DAZL: variants seen among roughly 807,000 people sequenced by gnomAD.
DAZL encodes the protein deleted in azoospermia-like.
DAZL carries 4 observed loss-of-function variants against 45.0 expected under a neutral mutation model. That is an observed-to-expected ratio of 0.09 (90% CI 0.04 to 0.20). The LOEUF (loss-of-function observed/expected upper bound fraction) is 0.20. Among genes scored for constraint, DAZL ranks in the 10% least tolerant of loss-of-function variants. The pLI, the probability that DAZL is intolerant of heterozygous loss-of-function variation, is 1.00. For synonymous variants in DAZL, 122 were observed against 112.4 expected (o/e 1.09, Z -0.54); for missense variants, 326 against 351.3 (o/e 0.93, Z 0.58).
chr3:16,592,404 A>T (rs1013867299), intron 9 of DAZL, among the ~76,000 whole-genome samples: 41 of 151,858 alleles, frequency 2.7e-4, no homozygotes, highest in African/African-American at 8.9e-4. Flanking sequence ...CATCTCTACT[A>T]AAAAAATACA....
intron 6 of DAZL, among the ~76,000 whole-genome samples, 181 bp downstream of exon 6, chr3:16,596,569 T>A (rs935323582): frequency 1.3e-4 from 20 of 149,546 alleles, no homozygotes; most frequent in African/African-American, 4.6e-4. Context: ...AGAAGATCTT[T>A]AGCTCATATA....
intron 9 of DAZL, 88 bp from the exon 10 acceptor site, chr3:16,592,236 T>G: frequency 6.5e-7 from 1 of 1,540,368 alleles, no homozygotes. Flanking sequence ...AATGAATATA[T>G]TACTTTATTT....
chr3:16,601,975 G>A (rs1001029876), intron 1 of DAZL, among the ~76,000 whole-genome samples: 10 of 152,044 alleles, frequency 6.6e-5, no homozygotes, highest in African/African-American at 2.4e-4. Context: ...AAACTGACCA[G>A]GAAAAAGGCT....
chr3:16,593,850 G>C (rs1053882813), intron 8 of DAZL, 82 bp from the exon 9 acceptor site: 2 of 848,618 alleles, frequency 2.4e-6, no homozygotes, highest in Admixed American at 2.5e-5. Context: ...AAGCTAAGCT[G>C]GTATCAAAAG....
Position 16,587,820 on chromosome 3 carries a change from A to T in DAZL, c.*840T>A, listed in dbSNP as rs1029143571. 1 of 153,522 alleles carries T rather than the reference A, an allele frequency of 6.5e-6. No individual in the cohort carries two copies. The highest frequency in any genetic ancestry group is 6.5e-5 in the Admixed American group (1 of 15,298). The allele number at this position is 153,522 out of a possible 1,614,324, so 9.5% of individuals were successfully genotyped here. ...ACTCTGATTAACCTCTAAGAGACAT[A>T]AAAAAGTTGCAGCATTCTTTAATAC... On this transcript the variant is annotated 3_prime_UTR_variant, in exon 11 of 11. Coordinates refer to ENST00000399444, the MANE Select transcript of DAZL (RefSeq NM_001351.4).
chr3:16,589,158 G>T (rs1042358543), intron 10 of DAZL, among the ~76,000 whole-genome samples: 1 of 152,110 alleles, frequency 6.6e-6, no homozygotes, highest in Admixed American at 6.6e-5. Context: ...GTTAAAAGAT[G>T]TAAGTTTTGG....
Position 16,588,649 on chromosome 3 carries a change from A to T in DAZL, c.*11T>A. ...CAGCAACTTCCCATGTAACTAGATA[A>T]GCCAGGAGGATCAAACAGATTTAAG... On this transcript the variant is annotated 3_prime_UTR_variant, in exon 11 of 11. Coordinates refer to ENST00000399444, the MANE Select transcript of DAZL (RefSeq NM_001351.4). 1 of 1,603,974 alleles carries T rather than the reference A, an allele frequency of 6.2e-7. No individual in the cohort carries two copies. Among genetic ancestry groups the T allele is most frequent in the Non-Finnish European group, 8.5e-7 (1 of 1,171,180 alleles).
At chr3:16,590,019 G>C (rs1313001136) in intron 10 of DAZL, among the ~76,000 whole-genome samples, 1 of 152,144 alleles carries the variant, frequency 6.6e-6, no homozygotes, top group African/African-American at 2.4e-5. Flanking sequence ...GTTGTAGTAA[G>C]CTGTGATTGT....
intron 10 of DAZL, among the ~76,000 whole-genome samples, chr3:16,590,865 G>C (rs1441253644): frequency 6.6e-6 from 1 of 151,434 alleles, no homozygotes; most frequent in Admixed American, 6.6e-5. Context: ...CACAGGATGG[G>C]GGAAAATAGC....
chr3:16,598,675 T>A (rs1292302052), intron 1 of DAZL, 77 bp from the exon 2 acceptor site: 1 of 1,425,020 alleles, frequency 7.0e-7, no homozygotes, highest in Non-Finnish European at 9.3e-7. Flanking sequence ...AATTTTTGTA[T>A]TTTAAGTATA....
At chr3:16,596,541 G>C (rs1023917825) in intron 6 of DAZL, among the ~76,000 whole-genome samples, 1 of 151,986 alleles carries the variant, frequency 6.6e-6, no homozygotes, top group African/African-American at 2.4e-5. Flanking sequence ...TCATTTCTAA[G>C]ATAAAGACAA....
intron 9 of DAZL, 87 bp from the exon 10 acceptor site, chr3:16,592,235 ATTACT>A (rs1200274832): frequency 1.3e-6 from 2 of 1,542,244 alleles, no homozygotes; most frequent in Middle Eastern, 2.4e-4. Flanking sequence ...TAATGAATAT[ATTACT>A]TTATTTCTAA....
chr3:16,604,833 TG>T, intron 1 of DAZL: 1 of 500,174 alleles, frequency 2.0e-6, no homozygotes, highest in East Asian at 3.5e-5. Flanking sequence ...CGCGTGGGAG[TG>T]GGGGCGGGGT....
chr3:16,593,049 G>C (rs1269997843), intron 9 of DAZL, among the ~76,000 whole-genome samples: 1 of 144,052 alleles, frequency 6.9e-6, no homozygotes. Flanking sequence ...ATGTTACAGA[G>C]AGAATGCCGT....
intron 1 of DAZL, among the ~76,000 whole-genome samples, chr3:16,601,445 C>T (rs1006309970): frequency 6.6e-6 from 1 of 152,228 alleles, no homozygotes; most frequent in South Asian, 2.1e-4. Context: ...CAGCAGGTGG[C>T]GCTCAAAGCT....
chr3:16,591,368 A>G (rs1694515524), intron 10 of DAZL, among the ~76,000 whole-genome samples: 4 of 151,274 alleles, frequency 2.6e-5, no homozygotes, highest in Admixed American at 6.6e-5. Flanking sequence ...TTCTCCCTTC[A>G]CACTGTTCAG....
chr3:16,604,706 C>T, intron 1 of DAZL: 1 of 1,361,294 alleles, frequency 7.3e-7, no homozygotes, highest in Non-Finnish European at 9.4e-7. Flanking sequence ...GAAGGCAAGT[C>T]CCTCAGCAGG....
chr3:16,597,599 C>T, intron 3 of DAZL, 58 bp from the exon 4 acceptor site: 1 of 1,038,710 alleles, frequency 9.6e-7, no homozygotes, highest in Non-Finnish European at 1.5e-6. Context: ...TGGTTCAGAA[C>T]TTCTACTATA....
chr3:16,599,290 TAATA>T (rs752554912), intron 1 of DAZL, among the ~76,000 whole-genome samples: 2 of 151,994 alleles, frequency 1.3e-5, no homozygotes, highest in Admixed American at 6.6e-5. Flanking sequence ...CTGAGTACAC[TAATA>T]AAAAGGATGA....
Sources: gnomAD v4.1 joint callset for allele counts (sites outside exome capture counted in the v4.1 genomes callset) on GRCh38, gnomAD v4.1.1 for gene constraint, MANE v1.5 for transcripts, NCBI Gene and HGNC (gene_info 2026-07-23, HGNC 2026-07-21) for gene names.